TRPM6: variants seen among roughly 807,000 people sequenced by gnomAD.
TRPM6 encodes channel kinase 2.
Under a neutral mutation model 247.6 loss-of-function variants are expected in TRPM6, and 111 were observed. The observed-to-expected ratio is 0.45, with a 90% CI of 0.38 to 0.52. The LOEUF (loss-of-function observed/expected upper bound fraction) is 0.52, where lower values mean the gene tolerates loss of function less well. Ranked by LOEUF, TRPM6 falls within the 20% of genes least tolerant of loss-of-function variation. TRPM6 has a pLI of 0.00. For missense variants in TRPM6, 2,126 were observed against 2,421.5 expected (o/e 0.88, Z 2.56); for synonymous variants, 892 against 853.8 (o/e 1.04, Z -0.78).
At chr9:74,746,316 T>C (rs980081182) in intron 31 of TRPM6, among the ~76,000 whole-genome samples, 1 of 151,960 alleles carries the variant, frequency 6.6e-6, no homozygotes. Flanking sequence ...GATTTACTGA[T>C]AGATGGGATG....
In TRPM6 at chr9:74,843,854, T is replaced by G. The variant is rs553336543; in HGVS notation, c.153-1511A>C. Reference sequence around the variant, plus strand: ...AAAAAGAGTTGAAATTTAAAGTTATTTCTTGATCCATGGGCTGGGGCTGCA... The same window carrying G: ...AAAAAGAGTTGAAATTTAAAGTTATGTCTTGATCCATGGGCTGGGGCTGCA... On this transcript the variant is annotated intron_variant, in intron 3 of 38. Transcript: ENST00000360774. Among the ~76,000 whole-genome samples, 4 of 152,024 alleles carry G rather than the reference T, an allele frequency of 2.6e-5. No individual in the cohort carries two copies. In the South Asian group the frequency reaches 8.3e-4, roughly 32 times the overall value.
chr9:74,783,933 G>A (rs555839447), intron 21 of TRPM6, among the ~76,000 whole-genome samples: 3 of 152,222 alleles, frequency 2.0e-5, no homozygotes, highest in South Asian at 2.1e-4. Flanking sequence ...TTATTAAAGC[G>A]TAGGTCTTAG....
chr9:74,813,475 C>T (rs934439541), intron 11 of TRPM6, among the ~76,000 whole-genome samples: 1 of 152,224 alleles, frequency 6.6e-6, no homozygotes, highest in Non-Finnish European at 1.5e-5. Flanking sequence ...TCCCATAACA[C>T]TAGCAACAAG....
intron 19 of TRPM6, among the ~76,000 whole-genome samples, chr9:74,790,649 T>C (rs1278413291): frequency 3.9e-5 from 6 of 152,178 alleles, no homozygotes; most frequent in Non-Finnish European, 4.4e-5. Flanking sequence ...GTATACTATG[T>C]CTTAAAGACA....
intron 25 of TRPM6, among the ~76,000 whole-genome samples, chr9:74,764,642 G>T (rs1401665286): frequency 6.6e-6 from 1 of 152,232 alleles, no homozygotes; most frequent in African/African-American, 2.4e-5. Flanking sequence ...TGCTGCAGCA[G>T]CCTGGGAAAC....
rs1352890306 is a variant in TRPM6 at position 74,858,623 on chromosome 9, T to C, written c.113+46A>G. The C allele has an allele frequency of 6.5e-6, 8 of 1,222,838 alleles. No homozygotes were observed. In the South Asian group the frequency reaches 1.0e-4, roughly 15 times the overall value. 75.7% of individuals were successfully genotyped at this position (1,222,838 alleles called of 1,614,324 possible). A position where few individuals can be genotyped will look rare whatever the true frequency, so the allele number is the denominator to read the frequency against. On this transcript the variant is annotated intron_variant, in intron 2 of 38. Coordinates refer to ENST00000360774, the MANE Select transcript of TRPM6 (RefSeq NM_017662.5). ...TTTCTAAGTTTCTATAAATAGTCCA[T>C]CAGGTAGTGTTGCTTTTAAAAGAAG...
In TRPM6 at chr9:74,788,404, A is replaced by G. The variant is rs894664612; in HGVS notation, c.2667+210T>C. Among the ~76,000 whole-genome samples, 5 of 152,222 alleles carry G rather than the reference A, an allele frequency of 3.3e-5. No homozygotes were observed. The East Asian group carries it at 9.6e-4, about 29-fold the overall frequency. ...TAACTGCTTCCAAAGTGCACCAACC[A>G]GCAGAAAGCAGCTGACAAGGATAAA... is the stretch of plus-strand genomic sequence containing the variant. On this transcript the variant is annotated intron_variant, in intron 20 of 38. Transcript: ENST00000360774.
At chr9:74,779,858 G>A (rs963485500) in intron 23 of TRPM6, among the ~76,000 whole-genome samples, 3 of 152,198 alleles carry the variant, frequency 2.0e-5, no homozygotes, top group African/African-American at 7.2e-5. Context: ...TGGGTCAGGG[G>A]AAGACTAGTG....
At chr9:74,770,286 A>T (rs1826986866) in intron 25 of TRPM6, among the ~76,000 whole-genome samples, 1 of 152,210 alleles carries the variant, frequency 6.6e-6, no homozygotes, top group Non-Finnish European at 1.5e-5. Flanking sequence ...GACATCAGAA[A>T]AAAACATGCA....
chr9:74,849,222 G>T (rs1158716317), intron 3 of TRPM6, among the ~76,000 whole-genome samples: 1 of 151,956 alleles, frequency 6.6e-6, no homozygotes, highest in African/African-American at 2.4e-5. Flanking sequence ...GTGGTGGCAG[G>T]TGCCTGTAAT....
chr9:74,872,738 G>A (rs1449128493), intron 1 of TRPM6, among the ~76,000 whole-genome samples: 3 of 152,094 alleles, frequency 2.0e-5, no homozygotes, highest in Non-Finnish European at 4.4e-5. Context: ...TCAAAGTGCT[G>A]GAATTACAGG....
chr9:74,802,194 G>A lies in TRPM6; in HGVS notation c.1732-19C>T, dbSNP rs754102733. On this transcript the variant is annotated intron_variant, in intron 15 of 38. Transcript: ENST00000360774. ...ACTTTTCCTGTTGGAAAATAAAATA[G>A]GAATGAGTTTTCAAATACTCAGATG... is the stretch of plus-strand genomic sequence containing the variant. The A allele has an allele frequency of 3.4e-5, 54 of 1,610,266 alleles. No individual in the cohort carries two copies. The highest frequency in any genetic ancestry group is 4.4e-5 in the Non-Finnish European group (52 of 1,176,892).
Position 74,752,259 on chromosome 9 carries a change from C to T in TRPM6, c.4998+18G>A, listed in dbSNP as rs1198676204. On this transcript the variant is annotated intron_variant, in intron 29 of 38. Coordinates refer to ENST00000360774, the MANE Select transcript of TRPM6 (RefSeq NM_017662.5). Reference sequence around the variant, plus strand: ...CATGCTCGAATGCTTTTTTTTTTAACTCCTAAAATATTTTTACCTCTTGAG... The same window carrying T: ...CATGCTCGAATGCTTTTTTTTTTAATTCCTAAAATATTTTTACCTCTTGAG... 7.7e-6 allele frequency: 11 copies of T among 1,427,094 alleles called. No individual in the cohort carries two copies. The highest frequency in any genetic ancestry group is 3.5e-5 in the Admixed American group (2 of 57,454). The allele number at this position is 1,427,094 out of a possible 1,614,324, so 88.4% of individuals were successfully genotyped here. A position where few individuals can be genotyped will look rare whatever the true frequency, so the allele number is the denominator to read the frequency against.
chr9:74,777,023 G>C (rs1827248929), intron 23 of TRPM6, among the ~76,000 whole-genome samples: 1 of 152,116 alleles, frequency 6.6e-6, no homozygotes, highest in Non-Finnish European at 1.5e-5. Flanking sequence ...GCCATCTTTG[G>C]GTAAGAATAG....
intron 37 of TRPM6, among the ~76,000 whole-genome samples, chr9:74,730,768 T>C (rs1825494457): frequency 6.6e-6 from 1 of 152,176 alleles, no homozygotes; most frequent in Admixed American, 6.5e-5. Context: ...GTGAGCCCCA[T>C]TGAACTAATC....
chr9:74,881,609 C>A (rs1441469778), intron 1 of TRPM6, among the ~76,000 whole-genome samples: 2 of 152,148 alleles, frequency 1.3e-5, no homozygotes, highest in African/African-American at 2.4e-5. Flanking sequence ...GACAGAACAT[C>A]TCATCCAACA....
At chr9:74,776,328 A>G (rs1827221495) in intron 23 of TRPM6, among the ~76,000 whole-genome samples, 1 of 152,004 alleles carries the variant, frequency 6.6e-6, no homozygotes, top group Non-Finnish European at 1.5e-5. Context: ...AAATGCCAAC[A>G]TTTTCAGTGT....
intron 23 of TRPM6, among the ~76,000 whole-genome samples, chr9:74,778,523 C>T (rs1827305358): frequency 6.6e-6 from 1 of 152,210 alleles, no homozygotes. Flanking sequence ...CAATGTTCCA[C>T]TGATCCCTGG....
chr9:74,730,666 T>C (rs1825489808), intron 37 of TRPM6, among the ~76,000 whole-genome samples: 1 of 152,234 alleles, frequency 6.6e-6, no homozygotes, highest in Admixed American at 6.5e-5. Flanking sequence ...AGATTTTGCA[T>C]GTCTAACCAT....
Sources: allele counts gnomAD v4.1 joint callset (sites outside exome capture counted in the v4.1 genomes callset), GRCh38; gene constraint gnomAD v4.1.1; transcripts MANE v1.5; gene names NCBI Gene and HGNC (gene_info 2026-07-23, HGNC 2026-07-21).